The following MAP2K5 variants were observed in gnomAD, a reference collection of about 807,000 sequenced individuals.
MAP2K5 encodes the protein dual specificity mitogen-activated protein kinase kinase 5.
A neutral mutation model predicts 83.1 loss-of-function variants in MAP2K5; 49 were observed. That is an observed-to-expected ratio of 0.59 (90% CI 0.47 to 0.75). The LOEUF (loss-of-function observed/expected upper bound fraction) is 0.75, where lower values mean the gene tolerates loss of function less well. MAP2K5 is among the 30% of genes least tolerant of loss of function. MAP2K5 has a pLI of 0.00. For synonymous variants in MAP2K5, 202 were observed against 191.8 expected (o/e 1.05, Z -0.44); for missense variants, 457 against 557.5 (o/e 0.82, Z 1.82).
At chr15:67,787,010 G>C (rs1254078446) in intron 21 of MAP2K5, among the ~76,000 whole-genome samples, 1 of 152,160 alleles carries the variant, frequency 6.6e-6, no homozygotes, top group Non-Finnish European at 1.5e-5. Flanking sequence ...GAAATGATGG[G>C]GTAAAGTTAG....
intron 7 of MAP2K5, among the ~76,000 whole-genome samples, chr15:67,599,165 CT>C (rs1478571430): frequency 6.6e-6 from 1 of 152,118 alleles, no homozygotes; most frequent in African/African-American, 2.4e-5. Flanking sequence ...TATGCCACAC[CT>C]TTTATACAGC....
rs186014659 is a variant in MAP2K5, at chr15:67,573,663, G to A, written c.253-7091G>A. On this transcript the variant is annotated intron_variant, in intron 3 of 21. Transcript: ENST00000178640. This position sits in a 1 kb window ranked among gnomAD's most constrained non-coding sequence, Gnocchi z 4.2. The stretch of plus-strand genomic sequence containing the variant: ...AGGAAGTCAGGCATTCTTAGTTACA[G>A]GATGTTTAGAGTTAAGGGAACAGGT... Among the ~76,000 whole-genome samples the A allele has an allele frequency of 1.3e-5, 2 of 152,244 alleles. No homozygotes were observed. The highest frequency in any genetic ancestry group is 2.4e-5 in the African/African-American group (1 of 41,550).
chr15:67,635,029 T>C (rs1421938591), intron 9 of MAP2K5, among the ~76,000 whole-genome samples: 3 of 152,182 alleles, frequency 2.0e-5, no homozygotes, highest in Non-Finnish European at 4.4e-5. Context: ...ATAGTCTTCC[T>C]ATGTAAATAG....
intron 12 of MAP2K5, among the ~76,000 whole-genome samples, chr15:67,663,608 C>T (rs1270075653): frequency 6.6e-6 from 1 of 152,142 alleles, no homozygotes; most frequent in Non-Finnish European, 1.5e-5. Flanking sequence ...CATGGTGACT[C>T]CCACCTGTAG....
intron 6 of MAP2K5, among the ~76,000 whole-genome samples, chr15:67,588,397 A>AT (rs1199124020): frequency 1.3e-5 from 2 of 152,262 alleles, no homozygotes; most frequent in East Asian, 3.9e-4. Context: ...ATTACTACCC[A>AT]TCCCCAGTGC....
At chr15:67,804,786 G>A (rs943188149) in intron 21 of MAP2K5, among the ~76,000 whole-genome samples, 3 of 152,202 alleles carry the variant, frequency 2.0e-5, no homozygotes, top group South Asian at 2.1e-4. Context: ...GCACGAGGTC[G>A]CCCCTCCTGA....
chr15:67,781,988 G>C lies in MAP2K5; in HGVS notation c.1242+9236G>C, dbSNP rs1244777637. Among the ~76,000 whole-genome samples, 5 of 152,222 alleles carry C rather than the reference G, an allele frequency of 3.3e-5. No homozygotes were observed. On this transcript the variant is annotated intron_variant, in intron 21 of 21. Coordinates refer to ENST00000178640, the MANE Select transcript of MAP2K5 (RefSeq NM_145160.3). This position sits in a 1 kb window ranked among gnomAD's most constrained non-coding sequence, Gnocchi z 4.0. ...TGATTGACAGCATTTGATTATGACA[G>C]TAACTTTATTTGGCTGGACTGCTTT...
At chr15:67,651,031 A>G (rs1490800205) in intron 11 of MAP2K5, among the ~76,000 whole-genome samples, 3 of 152,192 alleles carry the variant, frequency 2.0e-5, no homozygotes, top group African/African-American at 7.2e-5. Flanking sequence ...CCTGGCCAAC[A>G]TGGTGAAACC....
chr15:67,700,245 A>G (rs4363822), intron 15 of MAP2K5, among the ~76,000 whole-genome samples: 83,672 of 152,012 alleles, frequency 0.55, 23,753 homozygotes, highest in Non-Finnish European at 0.6. Context: ...TGGGTGCCAG[A>G]AGGACTGCCC....
intron 11 of MAP2K5, among the ~76,000 whole-genome samples, chr15:67,651,017 C>A (rs1283274731): frequency 6.6e-6 from 1 of 152,134 alleles, no homozygotes; most frequent in East Asian, 1.9e-4. Flanking sequence ...GAGTTCAAGA[C>A]CAGCCTGGCC....
intron 14 of MAP2K5, among the ~76,000 whole-genome samples, 174 bp from the exon 15 acceptor site, chr15:67,693,344 A>G (rs1258748874): frequency 2.0e-5 from 3 of 152,234 alleles, no homozygotes; most frequent in African/African-American, 7.2e-5. Flanking sequence ...AATCACATTC[A>G]AAAGAAAAGA....
rs1340476152 is a variant in MAP2K5, at chr15:67,563,236, T to C, written c.185-47T>C. On this transcript the variant is annotated intron_variant, in intron 2 of 21. Transcript: ENST00000178640. The surrounding 1 kb of genome is among the most constrained non-coding windows in gnomAD (Gnocchi z 4.5). ...GTTTATATTATGTTCCCTTTGTGCA[T>C]TAAACAAATGCACACCTTATCATTT... 2 of 1,588,920 alleles carry C rather than the reference T, an allele frequency of 1.3e-6. No individual in the cohort carries two copies. Among genetic ancestry groups the C allele is most frequent in the Non-Finnish European group, 1.7e-6 (2 of 1,170,900 alleles).
rs946151625 is a variant in MAP2K5 at position 67,786,052 on chromosome 15, T to G, written c.1242+13300T>G. Reference sequence around the variant, plus strand: ...TTTTTAACTTACAGAAGATGGAGGTTATGAAAGTGTTTGTAAACTATGAAG... The same window carrying G: ...TTTTTAACTTACAGAAGATGGAGGTGATGAAAGTGTTTGTAAACTATGAAG... On this transcript the variant is annotated intron_variant, in intron 21 of 21. Coordinates refer to ENST00000178640, the MANE Select transcript of MAP2K5 (RefSeq NM_145160.3). This position sits in a 1 kb window ranked among gnomAD's most constrained non-coding sequence, Gnocchi z 4.7. Among the ~76,000 whole-genome samples the G allele has an allele frequency of 6.6e-6, 1 of 151,646 alleles. No individual in the cohort carries two copies. The highest frequency in any genetic ancestry group is 1.5e-5 in the Non-Finnish European group (1 of 67,914).
intron 19 of MAP2K5, among the ~76,000 whole-genome samples, chr15:67,765,982 G>A (rs1363518595): frequency 6.6e-6 from 1 of 152,160 alleles, no homozygotes; most frequent in Non-Finnish European, 1.5e-5. Context: ...CAAGGCAAAG[G>A]CATCACTCAA....
rs1383041437 is a variant in MAP2K5 at position 67,724,121 on chromosome 15, A to T, written c.1045-3795A>T. On this transcript the variant is annotated intron_variant, in intron 16 of 21. Transcript: ENST00000178640. The surrounding 1 kb of genome is among the most constrained non-coding windows in gnomAD (Gnocchi z 4.4). ...GACATTAAAGCTTCATTAAATCTGA[A>T]ACACATTTAGTACAGTGACATATCT... Among the ~76,000 whole-genome samples, 1 of 152,196 alleles carries T rather than the reference A, an allele frequency of 6.6e-6. No homozygotes were observed. Among genetic ancestry groups the T allele is most frequent in the Non-Finnish European group, 1.5e-5 (1 of 68,034 alleles).
Position 67,600,713 on chromosome 15 carries a change from A to G in MAP2K5, c.509A>G (p.Asp170Gly). The change falls in exon 8 of 22, where the codon GAC becomes GGC. Residue 170 changes from aspartate (D) to glycine (G), a missense_variant. This residue lies in a region of MAP2K5 where 234 missense variants were observed against 243.6 expected (regional missense o/e 0.96). Coordinates refer to ENST00000178640, the MANE Select transcript of MAP2K5 (RefSeq NM_145160.3). ...AATGAACAAGACATACGATATCGGG[A>G]CACTCTTGGTCATGGCAACGGAGGC... ...QMNEQDIRYR[D>G]TLGHGNGGTV... 6.2e-7 allele frequency: 1 copy of G among 1,609,322 alleles called. No homozygotes were observed. The highest frequency in any genetic ancestry group is 8.5e-7 in the Non-Finnish European group (1 of 1,178,732).
intron 17 of MAP2K5, among the ~76,000 whole-genome samples, chr15:67,740,605 A>AT (rs1313823910): frequency 1.3e-5 from 2 of 152,142 alleles, no homozygotes; most frequent in Non-Finnish European, 2.9e-5. Flanking sequence ...CAAAAAAAAA[A>AT]GTGTTTCCTT....
chr15:67,715,809 A>G (rs62016231), intron 16 of MAP2K5, among the ~76,000 whole-genome samples: 3,801 of 152,326 alleles, frequency 0.025, 74 homozygotes, highest in African/African-American at 0.048. Flanking sequence ...CAAAAAAATA[A>G]TAAACTCCCA....
At chr15:67,582,015 G>T (rs2085187609) in intron 4 of MAP2K5, among the ~76,000 whole-genome samples, 6 of 149,202 alleles carry the variant, frequency 4.0e-5, no homozygotes, top group Admixed American at 4.0e-4. Context: ...AAGAAATGTT[G>T]CTATTTCTGT....
Sources: allele counts gnomAD v4.1 joint callset (sites outside exome capture counted in the v4.1 genomes callset), GRCh38; gene constraint gnomAD v4.1.1; regional missense constraint gnomAD v4.1.1; non-coding constraint Gnocchi (gnomAD v3.1); transcripts MANE v1.5; gene names NCBI Gene and HGNC (gene_info 2026-07-23, HGNC 2026-07-21).